The following KIF1A variants were observed in gnomAD, a reference collection of about 807,000 sequenced individuals.
KIF1A encodes the protein kinesin family member 1A.
A neutral mutation model predicts 227.3 loss-of-function variants in KIF1A; 46 were observed. The ratio of observed to expected loss-of-function variants is 0.20; its 90% CI spans 0.16 to 0.26. The LOEUF (loss-of-function observed/expected upper bound fraction) is 0.26, where lower values mean the gene tolerates loss of function less well. KIF1A is among the 10% of genes least tolerant of loss of function. KIF1A has a pLI of 1.00. For synonymous variants in KIF1A, 1,022 were observed against 1,012.8 expected, an observed-to-expected ratio of 1.01 and a Z score of -0.17; for missense variants, 1,683 against 2,485.9, an observed-to-expected ratio of 0.68 and a Z score of 6.87.
At chr2:240,741,769 A>G (rs980719229) in intron 34 of KIF1A, among the ~76,000 whole-genome samples, 1 of 152,066 alleles carries the variant, frequency 6.6e-6, no homozygotes, top group Admixed American at 6.5e-5. Flanking sequence ...TGCCTACACC[A>G]CACCTTGGCC....
chr2:240,782,114 C>T, intron 10 of KIF1A: 1 of 985,384 alleles, frequency 1.0e-6, no homozygotes, highest in Non-Finnish European at 1.2e-6. Flanking sequence ...TCCCCAGCGT[C>T]GCCCCAGGCA....
intron 1 of KIF1A, among the ~76,000 whole-genome samples, chr2:240,804,176 G>T (rs2057199649): frequency 6.6e-6 from 1 of 152,214 alleles, no homozygotes; most frequent in South Asian, 2.1e-4. Context: ...TGACACAGGA[G>T]AATTGCTTGA....
rs142601572 is a variant in KIF1A, at chr2:240,734,193, C to T, written c.4007+2870G>A. On this transcript the variant is annotated intron_variant, in intron 38 of 48. Transcript: ENST00000498729. ...ACTCACGAGAGGCTGTGGAATGTGC[C>T]GGAGTGTGAGGGTCTCCTGGGCTGG... 8.8e-4 allele frequency among the ~76,000 whole-genome samples: 134 copies of T among 152,360 alleles called. 4 individuals are homozygous for T. In the East Asian group the frequency reaches 0.026, roughly 29 times the overall value.
At position 240,789,391 on chromosome 2, in the gene KIF1A, A is replaced by G. The variant is rs1253042466; in HGVS notation, c.107-79T>C. ...CTGGCATCTACACTCCAAGGTGGGG[A>G]GATGGTCTTAAGAGGCCTCGGGCCC... On this transcript the variant is annotated intron_variant, in intron 2 of 48. Coordinates refer to ENST00000498729, the MANE Select transcript of KIF1A (RefSeq NM_001244008.2). This position sits in a 1 kb window ranked among gnomAD's most constrained non-coding sequence, Gnocchi z 4.8. The G allele has an allele frequency of 8.0e-7, 1 of 1,255,668 alleles. No individual in the cohort carries two copies. Among genetic ancestry groups the G allele is most frequent in the Non-Finnish European group, 1.2e-6 (1 of 857,338 alleles). The allele number at this position is 1,255,668 out of a possible 1,614,324, so 77.8% of individuals were successfully genotyped here.
At chr2:240,781,684 C>T in intron 10 of KIF1A, 2 of 873,860 alleles carry the variant, frequency 2.3e-6, no homozygotes, top group Non-Finnish European at 2.7e-6. Flanking sequence ...CCTCCGTCTC[C>T]CGCAGTCCCA....
chr2:240,720,598 T>A (rs1301290106), intron 45 of KIF1A: 1 of 218,636 alleles, frequency 4.6e-6, no homozygotes, highest in Non-Finnish European at 9.2e-6. Flanking sequence ...CATGCCCTCT[T>A]TCGTAACCTT....
chr2:240,769,498 G>T, intron 16 of KIF1A, 129 bp downstream of exon 16: 1 of 746,406 alleles, frequency 1.3e-6, no homozygotes, highest in Non-Finnish European at 2.2e-6. Flanking sequence ...TTTGCCCTGG[G>T]CTGGGATGTG....
At position 240,766,977 on chromosome 2, in the gene KIF1A, C is replaced by A. The variant is rs2051286208; in HGVS notation, c.1622G>T (p.Ser541Ile). 1 of 1,612,488 alleles carries A rather than the reference C, an allele frequency of 6.2e-7. No homozygotes were observed. Among genetic ancestry groups the A allele is most frequent in the Non-Finnish European group, 8.5e-7 (1 of 1,179,692 alleles). The change falls in exon 19 of 49, where the codon AGT becomes ATT. Residue 541 changes from serine to isoleucine, a missense_variant. Around this residue, in one of 12 missense-constraint regions of KIF1A, gnomAD observed 217 missense variants for 427.0 expected, o/e 0.51. Coordinates refer to ENST00000498729, the MANE Select transcript of KIF1A (RefSeq NM_001244008.2). This position sits in a 1 kb window ranked among gnomAD's most constrained non-coding sequence, Gnocchi z 5.0. ...DGERRQDIVL[S>I]GHFIKEEHCV... ...GTGCTCCTCCTTGATGAAGTGCCCA[C>A]TCAGAACAATGTCCTGCCGCCTCTC...
At chr2:240,718,422 G>A (rs1559472235) in intron 47 of KIF1A, among the ~76,000 whole-genome samples, 1 of 152,228 alleles carries the variant, frequency 6.6e-6, no homozygotes, top group African/African-American at 2.4e-5. Context: ...TGCCCCTCAT[G>A]GCCCCTGCTC....
chr2:240,751,967 T>C (rs2049272271), intron 27 of KIF1A, among the ~76,000 whole-genome samples: 1 of 151,984 alleles, frequency 6.6e-6, no homozygotes, highest in African/African-American at 2.4e-5. Context: ...TCATGGCACC[T>C]CCCTCGCTTT....
chr2:240,746,966 C>T (rs773668197), intron 29 of KIF1A, among the ~76,000 whole-genome samples: 5 of 152,190 alleles, frequency 3.3e-5, no homozygotes, highest in African/African-American at 7.2e-5. Context: ...TCTGGAGGCT[C>T]GTGTTGTCCA....
At chr2:240,769,353 G>C in intron 16 of KIF1A, 145 bp from the exon 17 acceptor site, 1 of 706,612 alleles carries the variant, frequency 1.4e-6, no homozygotes, top group South Asian at 1.8e-5. Flanking sequence ...CACTGGGTTA[G>C]GGCATCTGCT....
intron 38 of KIF1A, among the ~76,000 whole-genome samples, chr2:240,727,605 G>A (rs906923789): frequency 6.6e-6 from 1 of 152,230 alleles, no homozygotes; most frequent in South Asian, 2.1e-4. Flanking sequence ...GTGCAAAAGC[G>A]TCTCTGTTAG....
chr2:240,759,828 G>A lies in KIF1A; in HGVS notation c.2444+837C>T, dbSNP rs142690827. 4.9e-3 allele frequency among the ~76,000 whole-genome samples: 741 copies of A among 152,206 alleles called. 4 individuals carry two copies. Among genetic ancestry groups the A allele is most frequent in the Admixed American group, 9.9e-3 (152 of 15,280 alleles). On this transcript the variant is annotated intron_variant, in intron 25 of 48. Coordinates refer to ENST00000498729, the MANE Select transcript of KIF1A (RefSeq NM_001244008.2). ...TAGAGATCAGCCTGTGCAACAGAGC[G>A]AGACCTCATCTCTACCACAAAAAAA...
chr2:240,797,846 T>C, intron 1 of KIF1A, 34 bp from the exon 2 acceptor site: 1 of 756,624 alleles, frequency 1.3e-6, no homozygotes, highest in South Asian at 1.7e-5. Flanking sequence ...TTAGAAACAA[T>C]ATCTGAGGAG....
In KIF1A at chr2:240,773,271, G is replaced by GGGCT. The variant is rs757814048; in HGVS notation, c.1038-19_1038-16dup. 40 of 1,613,700 alleles carry GGGCT rather than the reference G, an allele frequency of 2.5e-5. No individual in the cohort carries two copies. In the Admixed American group the frequency reaches 4.7e-4, roughly 19 times the overall value. On this transcript the variant is annotated splice_polypyrimidine_tract_variant and intron_variant, in intron 12 of 48. Transcript: ENST00000498729. Reference sequence around the variant, plus strand: ...GGTCAGCATACCTGGGTGGCAGAGGGGGCTGTGGGCTGTGCTCGGGACAGG... The same window carrying GGGCT: ...GGTCAGCATACCTGGGTGGCAGAGGGGGCTGGCTGTGGGCTGTGCTCGGGACAGG...
rs572911767 is a variant in KIF1A, at chr2:240,734,194, G to A, written c.4007+2869C>T. 3.9e-5 allele frequency among the ~76,000 whole-genome samples: 6 copies of A among 152,370 alleles called. 1 individual carries two copies. Among genetic ancestry groups the A allele is most frequent in the South Asian group, 2.1e-4 (1 of 4,832 alleles). On this transcript the variant is annotated intron_variant, in intron 38 of 48. Coordinates refer to ENST00000498729, the MANE Select transcript of KIF1A (RefSeq NM_001244008.2). ...CTCACGAGAGGCTGTGGAATGTGCC[G>A]GAGTGTGAGGGTCTCCTGGGCTGGA... is the stretch of plus-strand genomic sequence containing the variant.
At chr2:240,767,527 C>T (rs1385016459) in intron 17 of KIF1A, among the ~76,000 whole-genome samples, 182 bp from the exon 18 acceptor site, 1 of 152,254 alleles carries the variant, frequency 6.6e-6, no homozygotes, top group African/African-American at 2.4e-5. Context: ...AAAGCTCAAG[C>T]CGAAGGCCCA....
At chr2:240,768,202 A>C in intron 17 of KIF1A, among the ~76,000 whole-genome samples, 1 of 152,204 alleles carries the variant, frequency 6.6e-6, no homozygotes, top group African/African-American at 2.4e-5. Flanking sequence ...GCACCCCTGG[A>C]GTTCCACCCT....
Sources: allele counts gnomAD v4.1 joint callset (sites outside exome capture counted in the v4.1 genomes callset), GRCh38; gene constraint gnomAD v4.1.1; regional missense constraint gnomAD v4.1.1; non-coding constraint Gnocchi (gnomAD v3.1); transcripts MANE v1.5; gene names NCBI Gene and HGNC (gene_info 2026-07-23, HGNC 2026-07-21).